ENOX1: variants seen among roughly 807,000 people sequenced by gnomAD.
ENOX1 encodes the protein ecto-NOX disulfide-thiol exchanger 1.
ENOX1 carries 42 observed loss-of-function variants against 82.5 expected under a neutral mutation model. That is an observed-to-expected ratio of 0.51 (90% confidence interval 0.40 to 0.66). ENOX1 has a LOEUF of 0.66. ENOX1 is among the 30% of genes least tolerant of loss of function. The pLI is 0.00. For missense variants in ENOX1, 608 were observed against 811.6 expected, an observed-to-expected ratio of 0.75 and a Z score of 3.05; for synonymous variants, 271 against 282.2, an observed-to-expected ratio of 0.96 and a Z score of 0.40.
At position 43,441,169 on chromosome 13, in the gene ENOX1, T is replaced by C. The variant is rs186464283; in HGVS notation, c.-74-28181A>G. 3.3e-3 allele frequency among the ~76,000 whole-genome samples: 501 copies of C among 152,344 alleles called. 5 individuals are homozygous for C. Among genetic ancestry groups the C allele is most frequent in the African/African-American group, 0.012 (480 of 41,584 alleles). On this transcript the variant is annotated intron_variant, in intron 3 of 16. Transcript: ENST00000690772. ...TTACATACTATTGGTTGTATAAATA[T>C]AGGCCTAAGAAATTGGAATGATTCC... is the stretch of plus-strand genomic sequence containing the variant.
Position 43,361,399 on chromosome 13 carries a change from T to A in ENOX1, c.262A>T (p.Thr88Ser). The A allele has an allele frequency of 6.2e-7, 1 of 1,613,232 alleles. No individual in the cohort carries two copies. The highest frequency in any genetic ancestry group is 2.2e-5 in the East Asian group (1 of 44,832). Residue 88 changes from threonine to serine, a missense_variant, in exon 6 of 17, where the codon ACC (threonine) becomes TCC (serine). Transcript: ENST00000690772. ...DPSLNMMTGI[T>S]PINPMIPGLG... Reference sequence around the variant, plus strand: ...CCTGGTATCATTGGGTTAATGGGGGTGATTCCAGTCATCATGTTGAGGCTT... The same window carrying A: ...CCTGGTATCATTGGGTTAATGGGGGAGATTCCAGTCATCATGTTGAGGCTT...
Position 43,623,816 on chromosome 13 carries a change from T to A in ENOX1, c.-219+43663A>T, listed in dbSNP as rs763992691. Among the ~76,000 whole-genome samples the A allele has an allele frequency of 7.2e-5, 11 of 152,222 alleles. 1 individual carries two copies. Among genetic ancestry groups the A allele is most frequent in the Non-Finnish European group, 1.0e-4 (7 of 68,046 alleles). On this transcript the variant is annotated intron_variant, in intron 2 of 16. Coordinates refer to ENST00000690772, the MANE Select transcript of ENOX1 (RefSeq NM_001347969.2). Reference sequence around the variant, plus strand: ...TGATATGTGTATATCATAATTTGTTTAACCATTTGCCCATTGAAAGACATC... The same window carrying A: ...TGATATGTGTATATCATAATTTGTTAAACCATTTGCCCATTGAAAGACATC...
intron 3 of ENOX1, among the ~76,000 whole-genome samples, chr13:43,465,018 C>T (rs1444025425): frequency 1.3e-5 from 2 of 152,170 alleles, no homozygotes; most frequent in Non-Finnish European, 2.9e-5. Context: ...GTAAACTTCT[C>T]ATCACATCAC....
chr13:43,594,641 A>T (rs571930466), intron 2 of ENOX1, among the ~76,000 whole-genome samples: 1 of 152,264 alleles, frequency 6.6e-6, no homozygotes, highest in African/African-American at 2.4e-5. Flanking sequence ...CCTGGGAAAG[A>T]GGTATTATTA....
chr13:43,603,614 A>G (rs1182400491), intron 2 of ENOX1, among the ~76,000 whole-genome samples: 1 of 139,728 alleles, frequency 7.2e-6, no homozygotes, highest in Non-Finnish European at 1.5e-5. Flanking sequence ...TTCAATTCCC[A>G]CCTATGAGTG....
chr13:43,303,577 C>T (rs1032576764), intron 11 of ENOX1, among the ~76,000 whole-genome samples: 1 of 152,162 alleles, frequency 6.6e-6, no homozygotes, highest in Non-Finnish European at 1.5e-5. Context: ...TCTCTGCCTG[C>T]TGCTGGAATA....
At chr13:43,398,876 G>T (rs2053319521) in intron 5 of ENOX1, among the ~76,000 whole-genome samples, 1 of 150,070 alleles carries the variant, frequency 6.7e-6, no homozygotes. Context: ...GTTCACTGTA[G>T]CCTCAATCTC....
At chr13:43,737,208 C>T (rs996612189) in intron 1 of ENOX1, among the ~76,000 whole-genome samples, 1 of 152,188 alleles carries the variant, frequency 6.6e-6, no homozygotes, top group African/African-American at 2.4e-5. Context: ...CTTCTAGAGT[C>T]TGTTAGGTTT....
chr13:43,713,014 G>C (rs924572271), intron 1 of ENOX1, among the ~76,000 whole-genome samples: 3 of 152,080 alleles, frequency 2.0e-5, no homozygotes, highest in East Asian at 1.9e-4. Context: ...AATGCTTCCA[G>C]TTTTTGCCCA....
At chr13:43,350,594 C>T (rs557809116) in intron 8 of ENOX1, among the ~76,000 whole-genome samples, 59 of 152,254 alleles carry the variant, frequency 3.9e-4, no homozygotes, top group African/African-American at 1.3e-3. Context: ...TACGGGCATG[C>T]GCCACCAGGC....
intron 2 of ENOX1, among the ~76,000 whole-genome samples, chr13:43,666,026 G>C (rs904280159): frequency 9.2e-5 from 14 of 151,414 alleles, no homozygotes; most frequent in Non-Finnish European, 1.6e-4. Flanking sequence ...TGCGTATAAA[G>C]TTATGTTTAC....
chr13:43,508,240 G>A (rs1253033293), intron 2 of ENOX1, among the ~76,000 whole-genome samples: 3 of 151,910 alleles, frequency 2.0e-5, no homozygotes, highest in Non-Finnish European at 4.4e-5. Flanking sequence ...AACTGGCGTA[G>A]GTCCTTTTAG....
chr13:43,767,956 C>CG lies in ENOX1; in HGVS notation c.-285+18695dup, dbSNP rs141019031. ...GAGGAGGGAGAGAGACTAAGAGAGT[C>CG]GGGGGGGAGCGGAGGGGGGCTTCTT... On this transcript the variant is annotated intron_variant, in intron 1 of 16. Transcript: ENST00000690772. Among the ~76,000 whole-genome samples the CG allele has an allele frequency of 1.7e-3, 265 of 152,170 alleles. 1 individual carries two copies. The highest frequency in any genetic ancestry group is 0.014 in the East Asian group (73 of 5,164).
chr13:43,565,942 G>T (rs534800003), intron 2 of ENOX1, among the ~76,000 whole-genome samples: 1 of 152,242 alleles, frequency 6.6e-6, no homozygotes, highest in South Asian at 2.1e-4. Context: ...CACTGGTTAT[G>T]GCAGTTTTTA....
intron 3 of ENOX1, among the ~76,000 whole-genome samples, chr13:43,435,779 G>C (rs567379763): frequency 6.6e-6 from 1 of 151,908 alleles, no homozygotes; most frequent in South Asian, 2.1e-4. Context: ...ATACCTAAGA[G>C]GTCAATAACT....
chr13:43,726,749 T>TGAGA (rs1205957571), intron 1 of ENOX1, among the ~76,000 whole-genome samples: 1 of 138,898 alleles, frequency 7.2e-6, no homozygotes, highest in Non-Finnish European at 1.5e-5. Context: ...TGTGTGTGTG[T>TGAGA]GTGTGAGAGA....
intron 2 of ENOX1, among the ~76,000 whole-genome samples, chr13:43,587,780 A>G (rs530682070): frequency 2.0e-5 from 3 of 152,228 alleles, no homozygotes; most frequent in Non-Finnish European, 2.9e-5. Flanking sequence ...ATGTGGGTAC[A>G]TAACAATTTC....
At chr13:43,586,926 T>C (rs904086253) in intron 2 of ENOX1, among the ~76,000 whole-genome samples, 1 of 135,466 alleles carries the variant, frequency 7.4e-6, no homozygotes, top group Admixed American at 7.1e-5. Flanking sequence ...AAAAAAAATT[T>C]AGCTGGGCGT....
intron 1 of ENOX1, among the ~76,000 whole-genome samples, chr13:43,691,221 T>C (rs1008480917): frequency 6.6e-6 from 1 of 152,106 alleles, no homozygotes. Context: ...CCCATCAGCA[T>C]CATTTTTCAT....
Sources: gnomAD v4.1 joint callset for allele counts (sites outside exome capture counted in the v4.1 genomes callset) on GRCh38, gnomAD v4.1.1 for gene constraint, MANE v1.5 for transcripts, NCBI Gene and HGNC (gene_info 2026-07-23, HGNC 2026-07-21) for gene names.